DENND5A: variants seen among roughly 807,000 people sequenced by gnomAD.
DENND5A encodes DENN domain containing 5A.
Under a neutral mutation model 140.3 loss-of-function variants are expected in DENND5A, and 64 were observed. The observed-to-expected ratio is 0.46, with a 90% CI of 0.37 to 0.56. DENND5A has a LOEUF of 0.56. DENND5A is among the 20% of genes least tolerant of loss of function. The pLI is 0.00. For synonymous variants in DENND5A, 605 were observed against 607.7 expected (o/e 1.00, Z 0.07); for missense variants, 1,292 against 1,593.8 (o/e 0.81, Z 3.22).
intron 1 of DENND5A, among the ~76,000 whole-genome samples, chr11:9,231,204 T>C (rs769871205): frequency 6.6e-6 from 1 of 152,224 alleles, no homozygotes; most frequent in South Asian, 2.1e-4. Flanking sequence ...ATAAATGTGC[T>C]AGAAGTTACC....
intron 6 of DENND5A, 26 bp downstream of exon 6, chr11:9,180,741 G>A: frequency 6.2e-7 from 1 of 1,602,118 alleles, no homozygotes; most frequent in Non-Finnish European, 8.5e-7. Context: ...GATCACACGT[G>A]TCACAGACTC....
chr11:9,247,174 G>A (rs1189462823), intron 1 of DENND5A, among the ~76,000 whole-genome samples: 5 of 151,432 alleles, frequency 3.3e-5, no homozygotes, highest in African/African-American at 9.7e-5. Flanking sequence ...AGCTTGCAGT[G>A]AGCCGAGATC....
chr11:9,143,079 T>C, intron 20 of DENND5A: 4 of 606,448 alleles, frequency 6.6e-6, no homozygotes, highest in Non-Finnish European at 1.1e-5. Context: ...ACAAGGAGAT[T>C]CTCCACTGGA....
intron 11 of DENND5A, among the ~76,000 whole-genome samples, chr11:9,162,019 A>G (rs1848000904): frequency 6.6e-6 from 1 of 151,392 alleles, no homozygotes; most frequent in African/African-American, 2.4e-5. Context: ...TTTGAGTCCA[A>G]GTTCAAAAGT....
At chr11:9,169,465 A>T (rs1175284224) in intron 10 of DENND5A, among the ~76,000 whole-genome samples, 1 of 151,034 alleles carries the variant, frequency 6.6e-6, no homozygotes, top group Non-Finnish European at 1.5e-5. Context: ...AAAGAATTAA[A>T]AAAAATTAAC....
intron 10 of DENND5A, among the ~76,000 whole-genome samples, chr11:9,169,244 T>C (rs1174303409): frequency 6.6e-6 from 1 of 152,034 alleles, no homozygotes; most frequent in Non-Finnish European, 1.5e-5. Context: ...GTCAGGTGTT[T>C]GAGACCAGCC....
chr11:9,252,925 C>G (rs1197617936), intron 1 of DENND5A, among the ~76,000 whole-genome samples: 1 of 151,334 alleles, frequency 6.6e-6, no homozygotes, highest in Non-Finnish European at 1.5e-5. Flanking sequence ...TCATGGCTCA[C>G]CACAGTCTGG....
chr11:9,140,051 A>G, intron 22 of DENND5A, 197 bp from the exon 23 acceptor site: 2 of 1,066,540 alleles, frequency 1.9e-6, no homozygotes, highest in Non-Finnish European at 2.7e-6. Flanking sequence ...ACCTGACCCA[A>G]ATCAGCCCTG....
intron 8 of DENND5A, among the ~76,000 whole-genome samples, chr11:9,177,704 C>T (rs543769569): frequency 1.4e-3 from 172 of 126,842 alleles, no homozygotes; most frequent in African/African-American, 4.7e-3. Flanking sequence ...AACCATGAGG[C>T]TTTCATTGAC....
At chr11:9,202,192 G>T (rs1472031714) in intron 4 of DENND5A, among the ~76,000 whole-genome samples, 1 of 152,130 alleles carries the variant, frequency 6.6e-6, no homozygotes, top group Non-Finnish European at 1.5e-5. Context: ...TGTCATGAAA[G>T]ACAAAAGCTG....
Position 9,203,971 on chromosome 11 carries a change from A to G in DENND5A, c.638T>C (p.Met213Thr). Residue 213 changes from methionine (M) to threonine (T), a missense_variant, in exon 4 of 23, where the codon ATG becomes ACG. Met to Thr is a moderately conservative substitution (Grantham distance 81). Transcript: ENST00000328194. ...VSKCICLITPMSFMKACRSVL... is the reference protein window; with the variant it reads ...VSKCICLITPTSFMKACRSVL... Reference sequence around the variant, plus strand: ...GCTCCGACATGCCTTCATGAAAGACATGGGTGTGATGAGGCAGATGCACTT... The same window carrying G: ...GCTCCGACATGCCTTCATGAAAGACGTGGGTGTGATGAGGCAGATGCACTT... 6.2e-7 allele frequency: 1 copy of G among 1,614,096 alleles called. No homozygotes were observed. The highest frequency in any genetic ancestry group is 8.5e-7 in the Non-Finnish European group (1 of 1,180,014).
In DENND5A at chr11:9,139,577, T is replaced by C. The variant is rs1408742132; in HGVS notation, c.*94A>G. The C allele has an allele frequency of 3.5e-6, 4 of 1,156,608 alleles. No homozygotes were observed. Among genetic ancestry groups the C allele is most frequent in the Non-Finnish European group, 4.9e-6 (4 of 818,334 alleles). The allele number at this position is 1,156,608 out of a possible 1,614,324, so 71.6% of individuals were successfully genotyped here. On this transcript the variant is annotated 3_prime_UTR_variant, in exon 23 of 23. Transcript: ENST00000328194. ...TACAGTGAGTGTACATTTTGTCTCC[T>C]ACTCCTGCACAATCGCTTAAGTCCC...
intron 4 of DENND5A, among the ~76,000 whole-genome samples, chr11:9,197,121 A>AT (rs1346069844): frequency 6.6e-6 from 1 of 151,242 alleles, no homozygotes; most frequent in East Asian, 2.0e-4. Flanking sequence ...CCTGGCAAGA[A>AT]TAGCAAAACC....
rs147529722 is a variant in DENND5A at position 9,239,530 on chromosome 11, C to T, written c.109+25431G>A. Among the ~76,000 whole-genome samples the T allele has an allele frequency of 7.6e-4, 116 of 151,932 alleles. No homozygotes were observed. The East Asian group carries it at 0.02, about 27-fold the overall frequency. The stretch of plus-strand genomic sequence containing the variant: ...TATTTTTTGTAGAGACAAGGTCTTG[C>T]TATGTTGCCCAGGCTGGTCTCGAAA... On this transcript the variant is annotated intron_variant, in intron 1 of 22. Coordinates refer to ENST00000328194, the MANE Select transcript of DENND5A (RefSeq NM_015213.4).
intron 1 of DENND5A, among the ~76,000 whole-genome samples, chr11:9,219,010 AAAAT>A (rs1403608338): frequency 6.6e-6 from 1 of 152,166 alleles, no homozygotes. Context: ...CCATCTCAAA[AAAAT>A]AAATAAACAA....
chr11:9,147,247 A>G, intron 15 of DENND5A, 96 bp from the exon 16 acceptor site: 1 of 1,334,786 alleles, frequency 7.5e-7, no homozygotes. Flanking sequence ...AGGGAAGCAT[A>G]AGATGTCAAG....
intron 1 of DENND5A, among the ~76,000 whole-genome samples, chr11:9,263,527 G>T (rs967932796): frequency 1.3e-5 from 2 of 148,400 alleles, no homozygotes; most frequent in African/African-American, 4.9e-5. Flanking sequence ...GGGCCACCGC[G>T]CCCCGCCTAA....
chr11:9,201,433 T>G (rs1044042229), intron 4 of DENND5A, among the ~76,000 whole-genome samples: 1 of 151,038 alleles, frequency 6.6e-6, no homozygotes. Context: ...TCCCAGCACT[T>G]TGGGAAACCA....
intron 1 of DENND5A, among the ~76,000 whole-genome samples, chr11:9,254,589 T>C (rs1312418106): frequency 6.6e-6 from 1 of 152,172 alleles, no homozygotes; most frequent in African/African-American, 2.4e-5. Flanking sequence ...AATCTGGGCT[T>C]CAGAGCAAAG....
Sources: allele counts gnomAD v4.1 joint callset (sites outside exome capture counted in the v4.1 genomes callset), GRCh38; gene constraint gnomAD v4.1.1; transcripts MANE v1.5; gene names NCBI Gene and HGNC (gene_info 2026-07-23, HGNC 2026-07-21).